The following ANKRD11 variants were observed in gnomAD, a reference collection of about 807,000 sequenced individuals.
ANKRD11 encodes ankyrin repeat domain 11, also known as ankyrin repeat domain-containing protein 11.
Under a neutral mutation model 195.7 loss-of-function variants are expected in ANKRD11, and 17 were observed. That is an observed-to-expected ratio of 0.09 (90% CI 0.06 to 0.13). The LOEUF (loss-of-function observed/expected upper bound fraction) is 0.13, where lower values mean the gene tolerates loss of function less well. Ranked by LOEUF, ANKRD11 falls within the 10% of genes least tolerant of loss-of-function variation. ANKRD11 has a pLI of 1.00. For synonymous variants in ANKRD11, 1,953 were observed against 1,528.1 expected, an observed-to-expected ratio of 1.28 and a Z score of -6.49; for missense variants, 3,735 against 3,566.1, an observed-to-expected ratio of 1.05 and a Z score of -1.21.
At chr16:89,391,898 A>G (rs1406873159) in intron 2 of ANKRD11, among the ~76,000 whole-genome samples, 3 of 152,232 alleles carry the variant, frequency 2.0e-5, no homozygotes, top group Non-Finnish European at 2.9e-5. Flanking sequence ...AGCTCCCACA[A>G]TTTAGCCTAA....
chr16:89,381,388 T>C (rs948987668), intron 2 of ANKRD11, among the ~76,000 whole-genome samples: 2 of 148,192 alleles, frequency 1.3e-5, no homozygotes, highest in South Asian at 4.3e-4. Context: ...TTCAGACTAT[T>C]AGAAGCAAGA....
rs750800829 is a variant in ANKRD11 at position 89,281,041 on chromosome 16, G to A, written c.5501C>T (p.Pro1834Leu). 10 of 1,602,004 alleles carry A rather than the reference G, an allele frequency of 6.2e-6. No individual in the cohort carries two copies. Among genetic ancestry groups the A allele is most frequent in the Non-Finnish European group, 8.5e-6 (10 of 1,172,142 alleles). The change falls in exon 9 of 13, where the codon CCC becomes CTC. Residue 1834 changes from proline to leucine, a missense_variant. Transcript: ENST00000301030. The surrounding 1 kb of genome is among the most constrained non-coding windows in gnomAD (Gnocchi z 5.5). ...PMPPSMEDRAPLPPVPAEKFA... is the reference protein window; with the variant it reads ...PMPPSMEDRALLPPVPAEKFA... Reference sequence around the variant, plus strand: ...CTTCTCCGCGGGAACCGGGGGCAGGGGCGCCCTGTCTTCCATCGAGGGTGG... The same window carrying A: ...CTTCTCCGCGGGAACCGGGGGCAGGAGCGCCCTGTCTTCCATCGAGGGTGG...
chr16:89,292,074 C>G (rs2035096458), intron 4 of ANKRD11, among the ~76,000 whole-genome samples: 1 of 152,202 alleles, frequency 6.6e-6, no homozygotes, highest in Non-Finnish European at 1.5e-5. Context: ...CCTCCTCCAG[C>G]TGCCCTGCGG....
At chr16:89,461,756 A>C (rs1202305081) in intron 1 of ANKRD11, among the ~76,000 whole-genome samples, 1 of 152,184 alleles carries the variant, frequency 6.6e-6, no homozygotes, top group East Asian at 1.9e-4. Flanking sequence ...TAAATAAATA[A>C]GAAGAAATGT....
At chr16:89,277,208 T>C (rs976770892) in intron 9 of ANKRD11, among the ~76,000 whole-genome samples, 10 of 152,272 alleles carry the variant, frequency 6.6e-5, no homozygotes, top group African/African-American at 2.2e-4. Flanking sequence ...AGGGATTCTG[T>C]GGGCCACCTC....
chr16:89,315,745 G>A (rs1466920419), intron 3 of ANKRD11, among the ~76,000 whole-genome samples: 2 of 152,312 alleles, frequency 1.3e-5, no homozygotes, highest in East Asian at 1.9e-4. Context: ...GCACGTGTCC[G>A]TATTCACAAA....
chr16:89,282,358 T>C lies in ANKRD11; in HGVS notation c.4184A>G (p.Asp1395Gly). 6.2e-7 allele frequency: 1 copy of C among 1,614,192 alleles called. No homozygotes were observed. The highest frequency in any genetic ancestry group is 8.5e-7 in the Non-Finnish European group (1 of 1,180,030). Residue 1395 changes from aspartate to glycine, a missense_variant, in exon 9 of 13, where the codon GAC (aspartate) becomes GGC (glycine). Physicochemically the swap from Asp to Gly is moderately conservative, Grantham distance 94. Transcript: ENST00000301030. ...TCCGTAAGCATCCGCCTCCAGGAAG[T>C]CCTTTTCGTACTGGCCGGAGTCCTT... is the stretch of plus-strand genomic sequence containing the variant. ...SRKDSGQYEK[D>G]FLEADAYGVS...
rs931091877 is a variant in ANKRD11, at chr16:89,460,491, G to A, written c.-145+29754C>T. Among the ~76,000 whole-genome samples the A allele has an allele frequency of 1.1e-4, 16 of 152,150 alleles. No homozygotes were observed. The South Asian group carries it at 3.3e-3, about 32-fold the overall frequency. The stretch of plus-strand genomic sequence containing the variant: ...GGAAAATTGCTTGAACTTGGGAGGT[G>A]GGGGATGCAGTGAGCCAAGATAGTG... On this transcript the variant is annotated intron_variant, in intron 1 of 12. Transcript: ENST00000301030.
At chr16:89,368,511 C>T (rs997245197) in intron 2 of ANKRD11, among the ~76,000 whole-genome samples, 2 of 150,982 alleles carry the variant, frequency 1.3e-5, no homozygotes, top group Admixed American at 6.6e-5. Context: ...TGAGCCACCG[C>T]GCCCAGCCCA....
At chr16:89,476,090 A>T (rs1488117807) in intron 1 of ANKRD11, among the ~76,000 whole-genome samples, 1 of 152,048 alleles carries the variant, frequency 6.6e-6, no homozygotes, top group Non-Finnish European at 1.5e-5. Context: ...ACTGAGCCAA[A>T]CAATGGAGAA....
In ANKRD11 at chr16:89,284,076, C is replaced by T; in HGVS notation, c.2466G>A (p.Gln822=). 5 of 1,614,106 alleles carry T rather than the reference C, an allele frequency of 3.1e-6. No individual in the cohort carries two copies. The highest frequency in any genetic ancestry group is 4.2e-6 in the Non-Finnish European group (5 of 1,179,988). Residue 822 remains glutamine (Q), a synonymous_variant, in exon 9 of 13, where the codon CAG becomes CAA. Coordinates refer to ENST00000301030, the MANE Select transcript of ANKRD11 (RefSeq NM_013275.6). ...ATTTGGTGTCTTCATTCTCCAGAAA[C>T]TGATTTTTGTTACAATATTCGTCAA... The part of the protein sequence containing the change: ...SAFDEYCNKN[Q]FLENEDTKFS...
At chr16:89,451,017 A>T (rs909736118) in intron 1 of ANKRD11, among the ~76,000 whole-genome samples, 1 of 152,192 alleles carries the variant, frequency 6.6e-6, no homozygotes, top group Non-Finnish European at 1.5e-5. Flanking sequence ...CTGTTTCTGT[A>T]AAGTTTTAGT....
chr16:89,302,191 G>C lies in ANKRD11; in HGVS notation c.226+3015C>G, dbSNP rs1423585375. Among the ~76,000 whole-genome samples, 2 of 152,250 alleles carry C rather than the reference G, an allele frequency of 1.3e-5. 1 individual carries two copies. Among genetic ancestry groups the C allele is most frequent in the East Asian group, 3.8e-4 (2 of 5,202 alleles). On this transcript the variant is annotated intron_variant, in intron 4 of 12. Coordinates refer to ENST00000301030, the MANE Select transcript of ANKRD11 (RefSeq NM_013275.6). ...GAAGGAGGGGACGCGGCGTGTGTGA[G>C]AGCCACAGCGCCCAGCAGCCTCCCG...
At chr16:89,409,615 G>A (rs1049638762) in intron 2 of ANKRD11, among the ~76,000 whole-genome samples, 1 of 152,150 alleles carries the variant, frequency 6.6e-6, no homozygotes, top group Non-Finnish European at 1.5e-5. Context: ...GGAGTTCCAG[G>A]CCAGTCTGAG....
At chr16:89,480,736 C>T (rs2057418080) in intron 1 of ANKRD11, among the ~76,000 whole-genome samples, 1 of 152,040 alleles carries the variant, frequency 6.6e-6, no homozygotes, top group African/African-American at 2.4e-5. Flanking sequence ...TTACACTGTC[C>T]TGACAAAATA....
chr16:89,310,864 T>A (rs2036571610), intron 3 of ANKRD11, among the ~76,000 whole-genome samples: 1 of 152,240 alleles, frequency 6.6e-6, no homozygotes. Context: ...TGTCTGTGAA[T>A]AAAGACAGTG....
intron 2 of ANKRD11, chr16:89,323,374 T>C (rs2037458851): frequency 2.3e-6 from 3 of 1,279,006 alleles, no homozygotes; most frequent in African/African-American, 3.1e-5. Context: ...CCTCTCACCA[T>C]CTCAGTGGGC....
At position 89,371,073 on chromosome 16, in the gene ANKRD11, G is replaced by A. The variant is rs916054272; in HGVS notation, c.-60+47211C>T. On this transcript the variant is annotated intron_variant, in intron 2 of 12. Transcript: ENST00000301030. Reference sequence around the variant, plus strand: ...TGACGAAGGGGACTTGTTCAGGTGAGAAACGTTCAACTGCGCGCTCGCTTA... The same window carrying A: ...TGACGAAGGGGACTTGTTCAGGTGAAAAACGTTCAACTGCGCGCTCGCTTA... Among the ~76,000 whole-genome samples the A allele has an allele frequency of 1.8e-4, 27 of 152,318 alleles. No homozygotes were observed. The South Asian group carries it at 5.2e-3, about 29-fold the overall frequency.
chr16:89,283,639 G>A lies in ANKRD11; in HGVS notation c.2903C>T (p.Pro968Leu). The change falls in exon 9 of 13, where the codon CCC becomes CTC. Residue 968 changes from proline (P) to leucine (L), a missense_variant. Transcript: ENST00000301030. This position sits in a 1 kb window ranked among gnomAD's most constrained non-coding sequence, Gnocchi z 4.3. ...CAGCTCCTCCCGGTGCGCCTCCTCG[G>A]GCTTGGCCCTGCCGTCCCTGCGCTC... ...CKERRDGRAK[P>L]EEAHREELKE... is the part of the protein sequence containing the mutation. The A allele has an allele frequency of 6.2e-7, 1 of 1,610,766 alleles. No individual in the cohort carries two copies. The highest frequency in any genetic ancestry group is 8.5e-7 in the Non-Finnish European group (1 of 1,179,884).
Sources: allele counts gnomAD v4.1 joint callset (sites outside exome capture counted in the v4.1 genomes callset), GRCh38; gene constraint gnomAD v4.1.1; non-coding constraint Gnocchi (gnomAD v3.1); transcripts MANE v1.5; gene names NCBI Gene and HGNC (gene_info 2026-07-23, HGNC 2026-07-21).